PLXNA2: variants seen among roughly 807,000 people sequenced by gnomAD.
PLXNA2 encodes plexin-A2.
A neutral mutation model predicts 193.5 loss-of-function variants in PLXNA2; 91 were observed. That is an observed-to-expected ratio of 0.47 (90% CI 0.40 to 0.56). The LOEUF is 0.56. Among genes scored for constraint, PLXNA2 ranks in the 20% least tolerant of loss-of-function variants. The probability of loss-of-function intolerance (pLI) is 0.00; values close to 1 mark genes in which losing one functional copy is unlikely to be tolerated. For synonymous variants in PLXNA2, 997 were observed against 1,027.3 expected (o/e 0.97, Z 0.56); for missense variants, 1,995 against 2,503.2 (o/e 0.80, Z 4.33).
intron 3 of PLXNA2, among the ~76,000 whole-genome samples, chr1:208,185,201 C>A (rs933400672): frequency 2.0e-5 from 3 of 152,138 alleles, no homozygotes; most frequent in Non-Finnish European, 4.4e-5. Flanking sequence ...CCTGGCTTGG[C>A]CTTGTTAAGG....
Position 208,028,219 on chromosome 1 carries a change from C to T in PLXNA2, c.5439-60G>A, listed in dbSNP as rs1664396892. 1 of 1,508,156 alleles carries T rather than the reference C, an allele frequency of 6.6e-7. No homozygotes were observed. Among genetic ancestry groups the T allele is most frequent in the South Asian group, 1.3e-5 (1 of 76,200 alleles). The allele number at this position is 1,508,156 out of a possible 1,614,324, so 93.4% of individuals were successfully genotyped here. A position where few individuals can be genotyped will look rare whatever the true frequency, so the allele number is the denominator to read the frequency against. On this transcript the variant is annotated intron_variant, in intron 30 of 31. Transcript: ENST00000367033. The surrounding 1 kb of genome is among the most constrained non-coding windows in gnomAD (Gnocchi z 4.2). Reference sequence around the variant, plus strand: ...CTCAGCAAACATTTACCTATAGCTACCCCGGGCCCAGGTCCTTCGAGGGCA... The same window carrying T: ...CTCAGCAAACATTTACCTATAGCTATCCCGGGCCCAGGTCCTTCGAGGGCA...
chr1:208,212,562 CTG>C (rs1670997011), intron 2 of PLXNA2, among the ~76,000 whole-genome samples: 3 of 152,192 alleles, frequency 2.0e-5, no homozygotes, highest in African/African-American at 7.2e-5. Flanking sequence ...TAGGGAATAA[CTG>C]TGCATTCAGT....
In PLXNA2 at chr1:208,028,709, G is replaced by C; in HGVS notation, c.5438+121C>G. On this transcript the variant is annotated intron_variant, in intron 30 of 31. Coordinates refer to ENST00000367033, the MANE Select transcript of PLXNA2 (RefSeq NM_025179.4). This position sits in a 1 kb window ranked among gnomAD's most constrained non-coding sequence, Gnocchi z 4.2. The stretch of plus-strand genomic sequence containing the variant: ...GCAGCAGGGGGTGTGGCAGGGAGGG[G>C]AGTGGGAGGTCCTGAAGAGATGACA... 2.4e-6 allele frequency: 2 copies of C among 840,286 alleles called. No individual in the cohort carries two copies. The highest frequency in any genetic ancestry group is 5.5e-5 in the Admixed American group (2 of 36,530). The allele number at this position is 840,286 out of a possible 1,614,324, so 52.1% of individuals were successfully genotyped here. A position where few individuals can be genotyped will look rare whatever the true frequency, so the allele number is the denominator to read the frequency against.
chr1:208,158,235 A>C (rs1668997056), intron 3 of PLXNA2, among the ~76,000 whole-genome samples: 1 of 151,976 alleles, frequency 6.6e-6, no homozygotes, highest in Non-Finnish European at 1.5e-5. Context: ...GTCTGTTTTT[A>C]CTCAAAATCT....
At chr1:208,034,792 G>A (rs1400186728) in intron 26 of PLXNA2, among the ~76,000 whole-genome samples, 200 bp from the exon 27 acceptor site, 2 of 152,152 alleles carry the variant, frequency 1.3e-5, no homozygotes, top group Non-Finnish European at 2.9e-5. Context: ...ATAGCTACTT[G>A]CCATGTGTGT....
intron 13 of PLXNA2, among the ~76,000 whole-genome samples, chr1:208,056,476 G>A (rs1380940301): frequency 6.6e-6 from 1 of 152,222 alleles, no homozygotes; most frequent in Non-Finnish European, 1.5e-5. Flanking sequence ...TCTTCCCTGG[G>A]CCCTGGGTCT....
rs767683566 is a variant in PLXNA2 at position 208,225,056 on chromosome 1, C to T, written c.-80-7054G>A. Among the ~76,000 whole-genome samples the T allele has an allele frequency of 3.9e-5, 6 of 152,218 alleles. No individual in the cohort carries two copies. In the East Asian group the frequency reaches 7.7e-4, roughly 20 times the overall value. ...GGGGCTGTGAGAGGGGAGCTGCGTG[C>T]GGCTCTCAGCTTTGGACAAGGCCCT... is the stretch of plus-strand genomic sequence containing the variant. On this transcript the variant is annotated intron_variant, in intron 1 of 31. Coordinates refer to ENST00000367033, the MANE Select transcript of PLXNA2 (RefSeq NM_025179.4).
Position 208,217,979 on chromosome 1 carries a change from TC to T in PLXNA2, c.-58del. On this transcript the variant is annotated 5_prime_UTR_variant, in exon 2 of 32. Transcript: ENST00000367033. The surrounding 1 kb of genome is among the most constrained non-coding windows in gnomAD (Gnocchi z 4.7). ...CTGTGTGTGCTCATCTGCTCCACCT[TC>T]CCCGGTTGGCCCTCACATGATTCTG... 1.3e-6 allele frequency: 2 copies of T among 1,581,582 alleles called. No homozygotes were observed. The highest frequency in any genetic ancestry group is 1.7e-6 in the Non-Finnish European group (2 of 1,170,714).
At chr1:208,182,624 A>G (rs887445735) in intron 3 of PLXNA2, among the ~76,000 whole-genome samples, 2 of 151,858 alleles carry the variant, frequency 1.3e-5, no homozygotes, top group African/African-American at 2.4e-5. Context: ...CATTTTGCAG[A>G]TAGGAAAACT....
intron 2 of PLXNA2, among the ~76,000 whole-genome samples, chr1:208,211,985 T>C (rs765255285): frequency 5.9e-5 from 9 of 152,220 alleles, no homozygotes; most frequent in Non-Finnish European, 1.2e-4. Context: ...TGCTCTGACA[T>C]GGCCCAGTTA....
In PLXNA2 at chr1:208,033,463, C is replaced by T; in HGVS notation, c.4911G>A (p.Arg1637=). The T allele has an allele frequency of 3.1e-6, 5 of 1,613,284 alleles. No individual in the cohort carries two copies. The highest frequency in any genetic ancestry group is 4.2e-6 in the Non-Finnish European group (5 of 1,179,460). ...YTGSPDSLRS[R]APMITPDLES... is the part of the protein sequence containing the mutation. Reference sequence around the variant, plus strand: ...CCAGGTCTGGGGTGATCATCGGGGCCCGGGACCGCAGGCTGTCGGGGCTGC... The same window carrying T: ...CCAGGTCTGGGGTGATCATCGGGGCTCGGGACCGCAGGCTGTCGGGGCTGC... The change falls in exon 28 of 32, where the codon CGG becomes CGA. Residue 1637 remains arginine (R), a synonymous_variant. Coordinates refer to ENST00000367033, the MANE Select transcript of PLXNA2 (RefSeq NM_025179.4).
At chr1:208,054,784 T>C (rs1416788397) in intron 13 of PLXNA2, among the ~76,000 whole-genome samples, 1 of 152,230 alleles carries the variant, frequency 6.6e-6, no homozygotes, top group Non-Finnish European at 1.5e-5. Flanking sequence ...GCCTCTGATA[T>C]GCTCTGCTGC....
chr1:208,240,183 C>T (rs994803324), intron 1 of PLXNA2, among the ~76,000 whole-genome samples: 8 of 152,226 alleles, frequency 5.3e-5, no homozygotes, highest in Non-Finnish European at 7.3e-5. Context: ...AGAACTTTCT[C>T]GCCTCTATTT....
In PLXNA2 at chr1:208,142,063, C is replaced by T. The variant is rs555513451; in HGVS notation, c.1506+266G>A. On this transcript the variant is annotated intron_variant, in intron 4 of 31. Transcript: ENST00000367033. ...CTCCTAATCACACCAAGCTGCTCCA[C>T]GCAGTCTGGCCTGTTCTTGCAGGGC... Among the ~76,000 whole-genome samples the T allele has an allele frequency of 3.9e-5, 6 of 152,350 alleles. No homozygotes were observed. The South Asian group carries it at 1.2e-3, about 32-fold the overall frequency.
intron 4 of PLXNA2, among the ~76,000 whole-genome samples, chr1:208,132,046 C>T (rs1045520164): frequency 1.3e-5 from 2 of 152,172 alleles, no homozygotes; most frequent in African/African-American, 4.8e-5. Flanking sequence ...GCTCGTGAGG[C>T]GCTTGGCTGG....
chr1:208,238,907 C>T (rs1671953015), intron 1 of PLXNA2, among the ~76,000 whole-genome samples: 1 of 152,152 alleles, frequency 6.6e-6, no homozygotes, highest in African/African-American at 2.4e-5. Flanking sequence ...GATTGGACTC[C>T]CTGTTAAGTT....
chr1:208,060,708 C>T lies in PLXNA2; in HGVS notation c.2716G>A (p.Gly906Arg). The change falls in exon 13 of 32, where the codon GGG becomes AGG. Residue 906 changes from glycine (G) to arginine (R), a missense_variant. Physicochemically the swap from Gly to Arg is moderately radical, Grantham distance 125. Transcript: ENST00000367033. ...CACTGCTCAGCGATGATGTATTCCCCTGGGAGGGGCGTGCAGGGCACCCCA... is the reference window on the plus strand; with the variant it reads ...CACTGCTCAGCGATGATGTATTCCCTTGGGAGGGGCGTGCAGGGCACCCCA... ...VAGVPCTPLP[G>R]EYIIAEQIVC... 2 of 1,613,898 alleles carry T rather than the reference C, an allele frequency of 1.2e-6. No homozygotes were observed. Among genetic ancestry groups the T allele is most frequent in the Non-Finnish European group, 1.7e-6 (2 of 1,179,898 alleles).
At chr1:208,175,099 A>C (rs1261302027) in intron 3 of PLXNA2, among the ~76,000 whole-genome samples, 1 of 152,170 alleles carries the variant, frequency 6.6e-6, no homozygotes, top group Non-Finnish European at 1.5e-5. Context: ...ACTCAACAGC[A>C]GTGAGCAGAC....
chr1:208,098,456 T>TCACACACACACA (rs1214971611), intron 6 of PLXNA2, among the ~76,000 whole-genome samples: 221 of 109,174 alleles, frequency 2.0e-3, no homozygotes, highest in Non-Finnish European at 2.7e-3. Flanking sequence ...TCTCTCTCTC[T>TCACACACACACA]CTCACACACA....
Sources: gnomAD v4.1 joint callset for allele counts (sites outside exome capture counted in the v4.1 genomes callset) on GRCh38, gnomAD v4.1.1 for gene constraint, Gnocchi (gnomAD v3.1) non-coding constraint, MANE v1.5 for transcripts, NCBI Gene and HGNC (gene_info 2026-07-23, HGNC 2026-07-21) for gene names.